The following SNX29 variants were observed in gnomAD, a reference collection of about 807,000 sequenced individuals.
The protein encoded by SNX29 is sorting nexin 29.
SNX29 carries 78 observed loss-of-function variants against 102.1 expected under a neutral mutation model. The ratio of observed to expected loss-of-function variants is 0.76; its 90% confidence interval spans 0.64 to 0.92. The LOEUF is 0.92. Among genes scored for constraint, SNX29 ranks in the 40% least tolerant of loss-of-function variants. SNX29 has a pLI of 0.00. For missense variants in SNX29, 1,280 were observed against 1,061.7 expected (o/e 1.21, Z -2.86); for synonymous variants, 580 against 414.5 (o/e 1.40, Z -4.85).
intron 11 of SNX29, among the ~76,000 whole-genome samples, chr16:12,125,587 C>CT (rs2054170341): frequency 8.1e-6 from 1 of 123,146 alleles, no homozygotes; most frequent in Non-Finnish European, 1.7e-5. Context: ...GCAAGGGGGG[C>CT]TTGTGGCTGA....
chr16:12,300,766 T>G (rs575932843), intron 15 of SNX29, among the ~76,000 whole-genome samples: 81 of 152,240 alleles, frequency 5.3e-4, no homozygotes, highest in Non-Finnish European at 1.0e-3. Flanking sequence ...CTTGATGACA[T>G]TTTGGACTGC....
intron 13 of SNX29, among the ~76,000 whole-genome samples, chr16:12,157,542 G>T (rs963497639): frequency 1.8e-4 from 28 of 152,202 alleles, no homozygotes; most frequent in African/African-American, 6.0e-4. Flanking sequence ...TCAGGCCACT[G>T]TGTAGCACCA....
At chr16:12,321,633 G>C (rs915268133) in intron 15 of SNX29, among the ~76,000 whole-genome samples, 3 of 152,172 alleles carry the variant, frequency 2.0e-5, no homozygotes, top group Admixed American at 1.3e-4. Flanking sequence ...CAAAGAGGGC[G>C]CTGAGAGCTG....
At chr16:12,166,626 G>A (rs2056036486) in intron 13 of SNX29, among the ~76,000 whole-genome samples, 1 of 152,202 alleles carries the variant, frequency 6.6e-6, no homozygotes, top group Admixed American at 6.5e-5. Context: ...GCTGGACCAA[G>A]AAGGATATGA....
intron 11 of SNX29, among the ~76,000 whole-genome samples, chr16:12,115,598 A>G (rs940983040): frequency 6.6e-6 from 1 of 152,042 alleles, no homozygotes; most frequent in Non-Finnish European, 1.5e-5. Flanking sequence ...TCATGTGAAT[A>G]TCTTTGCAGA....
chr16:12,462,975 A>C (rs1466987346), intron 18 of SNX29, among the ~76,000 whole-genome samples: 1 of 152,142 alleles, frequency 6.6e-6, no homozygotes, highest in Non-Finnish European at 1.5e-5. Flanking sequence ...TGATTGCCGG[A>C]AATTAGCTCC....
At chr16:12,123,257 G>A (rs889818025) in intron 11 of SNX29, among the ~76,000 whole-genome samples, 4 of 152,098 alleles carry the variant, frequency 2.6e-5, no homozygotes, top group Admixed American at 1.3e-4. Flanking sequence ...ACCTCCCCGA[G>A]TGAACATTTT....
At chr16:12,441,501 C>T (rs1039781521) in intron 18 of SNX29, among the ~76,000 whole-genome samples, 2 of 152,128 alleles carry the variant, frequency 1.3e-5, no homozygotes, top group Middle Eastern at 3.2e-3. Context: ...ATGGCTGTTA[C>T]GAATTATGTA....
chr16:12,382,603 G>C (rs529064773), intron 16 of SNX29, among the ~76,000 whole-genome samples: 1 of 152,336 alleles, frequency 6.6e-6, no homozygotes, highest in African/African-American at 2.4e-5. Context: ...GTTTCTTAGA[G>C]CTGCTGTAAC....
intron 20 of SNX29, among the ~76,000 whole-genome samples, chr16:12,534,829 G>A (rs564992339): frequency 1.3e-5 from 2 of 152,114 alleles, no homozygotes; most frequent in Admixed American, 6.5e-5. Context: ...GGCACAGCTG[G>A]GAGTGAATGC....
chr16:12,484,785 C>T (rs57143204), intron 19 of SNX29, among the ~76,000 whole-genome samples: 21,734 of 152,180 alleles, frequency 0.14, 1,977 homozygotes, highest in East Asian at 0.29. Flanking sequence ...CACTCTGCTG[C>T]CCTCAGTCAC....
At chr16:12,374,448 C>T (rs13336107) in intron 16 of SNX29, 13,354 of 152,260 alleles carry the variant, frequency 0.088, 1,206 homozygotes, top group African/African-American at 0.23. Flanking sequence ...GTCCAGCTCT[C>T]GGGTCTGTCT....
At chr16:12,160,914 C>T (rs933679988) in intron 13 of SNX29, among the ~76,000 whole-genome samples, 1 of 152,206 alleles carries the variant, frequency 6.6e-6, no homozygotes, top group Non-Finnish European at 1.5e-5. Flanking sequence ...ATCTTGACTG[C>T]TTTCACTTCT....
At chr16:12,087,574 G>A in intron 11 of SNX29, 1 of 333,488 alleles carries the variant, frequency 3.0e-6, no homozygotes, top group Non-Finnish European at 5.9e-6. Flanking sequence ...CCCAGCCTGG[G>A]CAACAGAGCA....
intron 19 of SNX29, among the ~76,000 whole-genome samples, chr16:12,480,555 C>T (rs1202648714): frequency 6.6e-6 from 1 of 152,182 alleles, no homozygotes; most frequent in Non-Finnish European, 1.5e-5. Context: ...TCCCTTTGGT[C>T]ATGTGAGGTT....
At chr16:12,214,719 T>G (rs541840049) in intron 14 of SNX29, among the ~76,000 whole-genome samples, 1 of 152,290 alleles carries the variant, frequency 6.6e-6, no homozygotes, top group Admixed American at 6.5e-5. Flanking sequence ...TTGTCTTCCC[T>G]GTGGGGTGCC....
At chr16:12,082,458 C>G (rs1330203866) in intron 11 of SNX29, among the ~76,000 whole-genome samples, 1 of 152,246 alleles carries the variant, frequency 6.6e-6, no homozygotes. Context: ...GAGGAAGTCA[C>G]TGGCCTTGCC....
intron 14 of SNX29, among the ~76,000 whole-genome samples, chr16:12,218,777 A>G (rs1308190088): frequency 6.6e-6 from 1 of 151,828 alleles, no homozygotes; most frequent in Non-Finnish European, 1.5e-5. Context: ...TATTTATTAT[A>G]TATTATTTAT....
intron 14 of SNX29, among the ~76,000 whole-genome samples, chr16:12,222,832 G>C (rs764583451): frequency 6.6e-6 from 1 of 152,164 alleles, no homozygotes; most frequent in African/African-American, 2.4e-5. Flanking sequence ...GACTCCCAAA[G>C]TGCTGGGATT....
Sources: gnomAD v4.1 joint callset for allele counts (sites outside exome capture counted in the v4.1 genomes callset) on GRCh38, gnomAD v4.1.1 for gene constraint, MANE v1.5 for transcripts, NCBI Gene and HGNC (gene_info 2026-07-23, HGNC 2026-07-21) for gene names.